Variants in TIAM1 observed in about 807,000 individuals in gnomAD.
TIAM1 encodes the protein rho guanine nucleotide exchange factor TIAM1.
TIAM1 carries 65 observed loss-of-function variants against 163.5 expected under a neutral mutation model. That is an observed-to-expected ratio of 0.40 (90% CI 0.33 to 0.49). The LOEUF (loss-of-function observed/expected upper bound fraction) is 0.49. TIAM1 is among the 20% of genes least tolerant of loss of function. The pLI, the probability that TIAM1 is intolerant of heterozygous loss-of-function variation, is 0.77. For synonymous variants in TIAM1, 833 were observed against 810.1 expected (o/e 1.03, Z -0.48); for missense variants, 1,789 against 2,044.7 (o/e 0.87, Z 2.41).
intron 2 of TIAM1, among the ~76,000 whole-genome samples, chr21:31,425,118 G>A (rs1287808723): frequency 2.0e-5 from 3 of 151,402 alleles, no homozygotes; most frequent in East Asian, 1.9e-4. Flanking sequence ...TTATTTTACC[G>A]TAATTAAAAA....
chr21:31,287,624 G>C (rs1313546838), intron 2 of TIAM1, among the ~76,000 whole-genome samples: 1 of 152,142 alleles, frequency 6.6e-6, no homozygotes, highest in African/African-American at 2.4e-5. Context: ...CAAAGAGAAG[G>C]ACAGAAATTT....
intron 2 of TIAM1, among the ~76,000 whole-genome samples, chr21:31,372,521 A>G (rs1252328614): frequency 6.6e-6 from 1 of 152,162 alleles, no homozygotes; most frequent in Non-Finnish European, 1.5e-5. Flanking sequence ...GAGCCACAGA[A>G]ATCAGTCTGG....
rs1392403625 is a variant in TIAM1 at position 31,363,826 on chromosome 21, G to A, written c.-368-24404C>T. On this transcript the variant is annotated intron_variant, in intron 2 of 28. Transcript: ENST00000286827. Reference sequence around the variant, plus strand: ...GCTCTCTGTTTCTGAGGAAACTCTGGTTGGTTGGGGGGCAACCCAAGGAAG... The same window carrying A: ...GCTCTCTGTTTCTGAGGAAACTCTGATTGGTTGGGGGGCAACCCAAGGAAG... Among the ~76,000 whole-genome samples the A allele has an allele frequency of 1.2e-4, 18 of 152,128 alleles. 1 individual carries two copies. The highest frequency in any genetic ancestry group is 1.2e-3 in the Admixed American group (18 of 15,274).
At chr21:31,428,079 T>A (rs558757228) in intron 2 of TIAM1, among the ~76,000 whole-genome samples, 1 of 152,174 alleles carries the variant, frequency 6.6e-6, no homozygotes, top group Non-Finnish European at 1.5e-5. Flanking sequence ...CTGATCAACA[T>A]GGTGAAACCC....
intron 1 of TIAM1, among the ~76,000 whole-genome samples, chr21:31,497,108 C>T (rs768545092): frequency 1.1e-4 from 16 of 152,142 alleles, no homozygotes; most frequent in Non-Finnish European, 2.2e-4. Flanking sequence ...GGCCATTGAC[C>T]GGTATCGGTC....
chr21:31,424,953 T>G (rs1163892086), intron 2 of TIAM1, among the ~76,000 whole-genome samples: 3 of 151,468 alleles, frequency 2.0e-5, no homozygotes, highest in Non-Finnish European at 2.9e-5. Flanking sequence ...CTACAGAGGC[T>G]GAGGCAGGAG....
intron 27 of TIAM1, chr21:31,123,905 G>C (rs1227528350): frequency 6.6e-6 from 1 of 152,166 alleles, no homozygotes; most frequent in African/African-American, 2.4e-5. Context: ...TATTTATGCT[G>C]GGACCATTTA....
At chr21:31,476,896 C>T (rs573673562) in intron 1 of TIAM1, among the ~76,000 whole-genome samples, 1 of 152,304 alleles carries the variant, frequency 6.6e-6, no homozygotes, top group East Asian at 1.9e-4. Context: ...TGCAACCCTT[C>T]TGGGCTGGAA....
chr21:31,450,124 T>TC (rs1299728782), intron 2 of TIAM1, among the ~76,000 whole-genome samples: 1 of 152,086 alleles, frequency 6.6e-6, no homozygotes, highest in Non-Finnish European at 1.5e-5. Context: ...GCTACCCTTT[T>TC]CCCCACTGCC....
chr21:31,159,180 G>A (rs1046797466), intron 16 of TIAM1, among the ~76,000 whole-genome samples: 1 of 152,022 alleles, frequency 6.6e-6, no homozygotes, highest in Non-Finnish European at 1.5e-5. Context: ...ACTGTTAAAG[G>A]GTAGCAGAGC....
chr21:31,195,199 C>T (rs943615868), intron 13 of TIAM1, 25 bp downstream of exon 13: 7 of 1,576,084 alleles, frequency 4.4e-6, no homozygotes, highest in Middle Eastern at 1.7e-4. Context: ...TACCTTAAAA[C>T]ACAAACAAAG....
chr21:31,289,554 C>T (rs533255252), intron 2 of TIAM1, among the ~76,000 whole-genome samples: 26 of 152,192 alleles, frequency 1.7e-4, no homozygotes, highest in African/African-American at 4.6e-4. Flanking sequence ...ATTTAAAAGC[C>T]GGTGCAAGAT....
At chr21:31,532,563 T>C (rs1030389583) in intron 1 of TIAM1, among the ~76,000 whole-genome samples, 11 of 152,248 alleles carry the variant, frequency 7.2e-5, no homozygotes, top group South Asian at 2.1e-4. Flanking sequence ...ATCTTTTAAA[T>C]GTGCCTACAT....
intron 2 of TIAM1, among the ~76,000 whole-genome samples, chr21:31,409,309 T>A (rs1393753761): frequency 2.0e-5 from 3 of 151,898 alleles, no homozygotes; most frequent in Non-Finnish European, 4.4e-5. Flanking sequence ...GGGGTTTCAC[T>A]ATGTTGGCCA....
Position 31,120,234 on chromosome 21 carries a change from G to A in TIAM1, c.*134C>T. On this transcript the variant is annotated 3_prime_UTR_variant, in exon 28 of 28. Transcript: ENST00000541036. The surrounding 1 kb of genome is among the most constrained non-coding windows in gnomAD (Gnocchi z 4.2). ...AAAGTTGGGTGGCTACATGGCTTCA[G>A]AACCAAGTCAGCTGCCAAAACCGTG... is the stretch of plus-strand genomic sequence containing the variant. 1 of 891,420 alleles carries A rather than the reference G, an allele frequency of 1.1e-6. No homozygotes were observed. Among genetic ancestry groups the A allele is most frequent in the Non-Finnish European group, 1.7e-6 (1 of 599,508 alleles). 55.2% of individuals were successfully genotyped at this position (891,420 alleles called of 1,614,324 possible).
intron 2 of TIAM1, among the ~76,000 whole-genome samples, chr21:31,362,570 G>A (rs1285187135): frequency 3.9e-5 from 6 of 151,900 alleles, no homozygotes; most frequent in African/African-American, 4.8e-5. Flanking sequence ...GGGTTCAAGC[G>A]ATTCTCCTGC....
chr21:31,405,792 CATAAG>C (rs1418450464), intron 2 of TIAM1, among the ~76,000 whole-genome samples: 5 of 152,114 alleles, frequency 3.3e-5, no homozygotes, highest in Non-Finnish European at 7.4e-5. Flanking sequence ...TTATGGGAGC[CATAAG>C]ATGAGATTTG....
intron 7 of TIAM1, among the ~76,000 whole-genome samples, chr21:31,224,630 G>T (rs995428729): frequency 1.1e-4 from 16 of 152,214 alleles, no homozygotes; most frequent in Non-Finnish European, 2.4e-4. Flanking sequence ...AGGGCTAGAT[G>T]GGGGAGTGTT....
intron 1 of TIAM1, among the ~76,000 whole-genome samples, chr21:31,505,798 A>T (rs1269718394): frequency 6.6e-6 from 1 of 152,010 alleles, no homozygotes; most frequent in African/African-American, 2.4e-5. Flanking sequence ...TGAGGTCGGG[A>T]GTTCGAGACG....
Sources: gnomAD v4.1 joint callset for allele counts (sites outside exome capture counted in the v4.1 genomes callset) on GRCh38, gnomAD v4.1.1 for gene constraint, Gnocchi (gnomAD v3.1) non-coding constraint, MANE v1.5 for transcripts, NCBI Gene and HGNC (gene_info 2026-07-23, HGNC 2026-07-21) for gene names.